Variants in DGKB observed in about 807,000 individuals in gnomAD.
The protein encoded by DGKB is diacylglycerol kinase beta.
In DGKB, 67 loss-of-function variants were observed where a neutral mutation model predicts 114.3. The ratio of observed to expected loss-of-function variants is 0.59; its 90% CI spans 0.48 to 0.72. The LOEUF is 0.72. Ranked by LOEUF, DGKB falls within the 30% of genes least tolerant of loss-of-function variation. DGKB has a pLI of 0.00. For missense variants in DGKB, 907 were observed against 975.2 expected (o/e 0.93, Z 0.93); for synonymous variants, 398 against 323.1 (o/e 1.23, Z -2.49).
At chr7:14,389,046 A>C (rs1820893803) in intron 21 of DGKB, among the ~76,000 whole-genome samples, 1 of 151,770 alleles carries the variant, frequency 6.6e-6, no homozygotes, top group Admixed American at 6.6e-5. Context: ...ATAAATTACA[A>C]ATCATTTTTT....
intron 2 of DGKB, among the ~76,000 whole-genome samples, chr7:14,792,291 A>T (rs1019029325): frequency 1.3e-5 from 2 of 152,150 alleles, no homozygotes; most frequent in Non-Finnish European, 2.9e-5. Flanking sequence ...AATGTAAGGT[A>T]TTTGGTATAT....
intron 21 of DGKB, among the ~76,000 whole-genome samples, chr7:14,416,591 A>G (rs138353277): frequency 2.0e-5 from 3 of 152,070 alleles, no homozygotes; most frequent in African/African-American, 7.2e-5. Context: ...TTTCCCCCAT[A>G]CTGTTCTCAT....
intron 2 of DGKB, among the ~76,000 whole-genome samples, chr7:14,825,469 A>G (rs1008381245): frequency 6.6e-5 from 10 of 152,104 alleles, no homozygotes; most frequent in Admixed American, 3.9e-4. Context: ...GATATCGGAT[A>G]TTATATTTTC....
chr7:14,641,359 C>T (rs1321719126), intron 13 of DGKB, among the ~76,000 whole-genome samples: 5 of 151,684 alleles, frequency 3.3e-5, no homozygotes, highest in South Asian at 4.2e-4. Flanking sequence ...TTTTACAATA[C>T]AAAGATTTGT....
intron 1 of DGKB, among the ~76,000 whole-genome samples, chr7:14,957,120 T>G (rs1423784347): frequency 6.6e-6 from 1 of 152,002 alleles, no homozygotes; most frequent in Non-Finnish European, 1.5e-5. Context: ...AGCATCTAAT[T>G]AAATCGAATA....
intron 25 of DGKB, among the ~76,000 whole-genome samples, chr7:14,167,907 T>A (rs1197029949): frequency 6.6e-6 from 1 of 152,098 alleles, no homozygotes; most frequent in Non-Finnish European, 1.5e-5. Flanking sequence ...CTGTTCAGAA[T>A]ATAATAAAAA....
intron 21 of DGKB, among the ~76,000 whole-genome samples, chr7:14,468,286 A>G (rs1050852299): frequency 6.6e-6 from 1 of 152,040 alleles, no homozygotes; most frequent in African/African-American, 2.4e-5. Flanking sequence ...TAGACTGTCC[A>G]TTGTCTAATT....
chr7:14,225,997 A>T (rs1790743069), intron 23 of DGKB, among the ~76,000 whole-genome samples: 1 of 151,994 alleles, frequency 6.6e-6, no homozygotes, highest in African/African-American at 2.4e-5. Flanking sequence ...TAAGTCACCA[A>T]TCTCCTAGTT....
chr7:14,287,859 G>C (rs971940412), intron 23 of DGKB, among the ~76,000 whole-genome samples: 1 of 152,108 alleles, frequency 6.6e-6, no homozygotes, highest in Admixed American at 6.6e-5. Flanking sequence ...AGGACAGCCT[G>C]CCCTCACAGA....
Position 14,469,439 on chromosome 7 carries a change from T to C in DGKB, c.1835+8722A>G, listed in dbSNP as rs1383122284. Among the ~76,000 whole-genome samples, 7 of 152,130 alleles carry C rather than the reference T, an allele frequency of 4.6e-5. No homozygotes were observed. The East Asian group carries it at 1.3e-3, about 29-fold the overall frequency. ...ATGAACAGGAGAATAAAAAATGTGG[T>C]GTGAAAGAAGAAAGAGAGTGAGGGG... On this transcript the variant is annotated intron_variant, in intron 21 of 25. Transcript: ENST00000402815.
chr7:14,483,256 A>G (rs923858025), intron 20 of DGKB, among the ~76,000 whole-genome samples: 1 of 152,114 alleles, frequency 6.6e-6, no homozygotes, highest in Non-Finnish European at 1.5e-5. Flanking sequence ...TTTTGCGGGA[A>G]TAGGAATGCG....
intron 21 of DGKB, among the ~76,000 whole-genome samples, chr7:14,359,238 A>G (rs371058564): frequency 1.5e-4 from 23 of 152,328 alleles, no homozygotes; most frequent in Admixed American, 3.3e-4. Flanking sequence ...TATTTAATAA[A>G]CGGCGCTGGG....
intron 20 of DGKB, among the ~76,000 whole-genome samples, chr7:14,505,541 T>G (rs898847807): frequency 1.3e-5 from 2 of 152,132 alleles, no homozygotes; most frequent in Non-Finnish European, 2.9e-5. Context: ...CTTTCACAAC[T>G]TTGCTGCCTT....
chr7:14,898,933 G>A (rs1039865807), intron 1 of DGKB, among the ~76,000 whole-genome samples: 3 of 152,136 alleles, frequency 2.0e-5, no homozygotes, highest in African/African-American at 4.8e-5. Flanking sequence ...CAAATTCCCT[G>A]TTAAAAGGCA....
chr7:14,530,292 T>C (rs549660282), intron 20 of DGKB, among the ~76,000 whole-genome samples: 2 of 151,708 alleles, frequency 1.3e-5, no homozygotes, highest in South Asian at 2.1e-4. Flanking sequence ...AAAACTATCA[T>C]GTTCTGAGTT....
At chr7:14,369,008 G>T (rs1310750447) in intron 21 of DGKB, among the ~76,000 whole-genome samples, 2 of 152,026 alleles carry the variant, frequency 1.3e-5, no homozygotes, top group Non-Finnish European at 2.9e-5. Flanking sequence ...TGCCATGGTG[G>T]TTTGCTGCAC....
chr7:14,250,595 C>G (rs2128389209), intron 23 of DGKB, among the ~76,000 whole-genome samples: 1 of 152,098 alleles, frequency 6.6e-6, no homozygotes, highest in Non-Finnish European at 1.5e-5. Flanking sequence ...TCTGTGTGCC[C>G]TTGAACAGAA....
At chr7:14,342,787 TC>T (rs1281945089) in intron 22 of DGKB, among the ~76,000 whole-genome samples, 2 of 151,848 alleles carry the variant, frequency 1.3e-5, no homozygotes, top group Admixed American at 1.3e-4. Flanking sequence ...TAACTATTAT[TC>T]CATGATATTC....
chr7:14,643,421 A>C (rs1812229908), intron 13 of DGKB, among the ~76,000 whole-genome samples: 1 of 152,150 alleles, frequency 6.6e-6, no homozygotes, highest in Admixed American at 6.6e-5. Flanking sequence ...TCATGGCATT[A>C]TTTTGAGGGA....
Sources: allele counts gnomAD v4.1 joint callset (sites outside exome capture counted in the v4.1 genomes callset), GRCh38; gene constraint gnomAD v4.1.1; transcripts MANE v1.5; gene names NCBI Gene and HGNC (gene_info 2026-07-23, HGNC 2026-07-21).